The following CCDC14 variants were observed in gnomAD, a reference collection of about 807,000 sequenced individuals.
CCDC14 encodes the protein coiled-coil domain-containing protein 14.
A neutral mutation model predicts 81.4 loss-of-function variants in CCDC14; 71 were observed. The ratio of observed to expected loss-of-function variants is 0.87; its 90% confidence interval spans 0.72 to 1.06. The LOEUF (loss-of-function observed/expected upper bound fraction) is 1.06, where lower values mean the gene tolerates loss of function less well. Ranked by LOEUF, CCDC14 falls within the 50% of genes least tolerant of loss-of-function variation. CCDC14 has a pLI of 0.00. For missense variants in CCDC14, 1,046 were observed against 1,047.3 expected, an observed-to-expected ratio of 1.00 and a Z score of 0.02; for synonymous variants, 332 against 364.8, an observed-to-expected ratio of 0.91 and a Z score of 1.03.
chr3:123,896,671 T>A (rs905042889), downstream of CCDC14, among the ~76,000 whole-genome samples: 4 of 152,062 alleles, frequency 2.6e-5, no homozygotes, highest in East Asian at 1.9e-4. Flanking sequence ...AAATCTTTTT[T>A]AAAAAAGATC....
At chr3:123,956,532 T>G in intron 2 of CCDC14, 105 bp from the exon 3 acceptor site, 1 of 846,874 alleles carries the variant, frequency 1.2e-6, no homozygotes, top group South Asian at 1.8e-5. Context: ...TCCAACCATG[T>G]ACAAGATGAA....
At chr3:123,890,801 T>C in the CCDC14 span, among the ~76,000 whole-genome samples, 1 of 152,164 alleles carries the variant, frequency 6.6e-6, no homozygotes, top group Non-Finnish European at 1.5e-5. Context: ...AGTGGCCCTC[T>C]TCTCACAGCT....
rs753745998 is a variant in CCDC14 at position 123,949,000 on chromosome 3, A to G, written c.485T>C (p.Leu162Pro). The change falls in exon 6 of 13, where the codon CTC becomes CCC. Residue 162 changes from leucine to proline, a missense_variant. Coordinates refer to ENST00000409697, the MANE Select transcript of CCDC14 (RefSeq NM_001366335.1). ...CATCTGAGTCTGCACGTGCTCACAG[A>G]GGGCTTGGTATATTATGGGTGAATA... ...RMYSPIIYQA[L>P]CEHVQTQMSL... 2 of 1,613,836 alleles carry G rather than the reference A, an allele frequency of 1.2e-6. No individual in the cohort carries two copies. The highest frequency in any genetic ancestry group is 8.5e-7 in the Non-Finnish European group (1 of 1,179,876).
rs2036688509 is a variant in CCDC14, at chr3:123,947,199, T to G, written c.805A>C (p.Lys269Gln). The change falls in exon 8 of 13, where the codon AAA becomes CAA. Residue 269 changes from lysine to glutamine, a missense_variant. Transcript: ENST00000409697. ...TSPGVPCSLP[K>Q]TDISAIPTLQ... ...GTTGGAATAGCTGATATGTCAGTTT[T>G]GGGCAGGCTACATGGAACTCCAGGA... The G allele has an allele frequency of 1.2e-6, 2 of 1,613,884 alleles. No homozygotes were observed. The highest frequency in any genetic ancestry group is 1.3e-5 in the African/African-American group (1 of 74,926).
chr3:123,929,973 C>A (rs1230273029), intron 12 of CCDC14, among the ~76,000 whole-genome samples: 1 of 152,290 alleles, frequency 6.6e-6, no homozygotes, highest in East Asian at 1.9e-4. Context: ...CTTACAAAGA[C>A]TTCCATAAGA....
downstream of CCDC14, among the ~76,000 whole-genome samples, chr3:123,895,679 C>A (rs912540635): frequency 1.3e-5 from 2 of 152,182 alleles, no homozygotes; most frequent in African/African-American, 4.8e-5. Context: ...CTACTGACAG[C>A]CTAGGTAAAA....
the CCDC14 span, among the ~76,000 whole-genome samples, chr3:123,888,504 A>G: frequency 6.6e-6 from 1 of 152,094 alleles, no homozygotes; most frequent in South Asian, 2.1e-4. Context: ...TTCAACTTGC[A>G]TTAGTCAGTT....
At chr3:123,898,844 T>G (rs2034123109) in intron 5 of CCDC14, among the ~76,000 whole-genome samples, 1 of 151,370 alleles carries the variant, frequency 6.6e-6, no homozygotes. Context: ...CCTGCCACAA[T>G]GCCCTGCTAA....
chr3:123,930,067 T>C (rs2035608122), intron 12 of CCDC14, among the ~76,000 whole-genome samples: 1 of 152,246 alleles, frequency 6.6e-6, no homozygotes, highest in East Asian at 1.9e-4. Context: ...TCAATTATAA[T>C]TATATGATTA....
chr3:123,951,185 A>G (rs1204655984), intron 5 of CCDC14, among the ~76,000 whole-genome samples: 3 of 152,186 alleles, frequency 2.0e-5, no homozygotes, highest in Non-Finnish European at 4.4e-5. Flanking sequence ...TTATAAGATT[A>G]TTGAGAGATG....
chr3:123,892,624 A>G (rs574993829), downstream of CCDC14, among the ~76,000 whole-genome samples: 2 of 152,050 alleles, frequency 1.3e-5, no homozygotes, highest in Non-Finnish European at 2.9e-5. Flanking sequence ...AAACTTTCAC[A>G]AGAACAGCAC....
the CCDC14 span, among the ~76,000 whole-genome samples, chr3:123,887,080 T>C: frequency 6.6e-6 from 1 of 152,146 alleles, no homozygotes; most frequent in Non-Finnish European, 1.5e-5. Flanking sequence ...CCATCATCAG[T>C]TTTGATTCTT....
chr3:123,925,561 G>A (rs926871788), intron 12 of CCDC14, among the ~76,000 whole-genome samples: 1 of 151,962 alleles, frequency 6.6e-6, no homozygotes, highest in Admixed American at 6.6e-5. Context: ...TCAGCCTTCC[G>A]AGTAGCTGGG....
At position 123,944,972 on chromosome 3, in the gene CCDC14, C is replaced by T. The variant is rs762503101; in HGVS notation, c.1220G>A (p.Arg407Lys). 6.2e-6 allele frequency: 10 copies of T among 1,602,378 alleles called. No homozygotes were observed. Among genetic ancestry groups the T allele is most frequent in the African/African-American group, 2.7e-5 (2 of 74,724 alleles). ...VAEQEDSEIQRLITEMEACIS... is the reference protein window; with the variant it reads ...VAEQEDSEIQKLITEMEACIS... ...ACATGCCTCCATTTCTGTAATCAAC[C>T]TCTGAATTTCTGAATCCTCTATAGA... The change falls in exon 9 of 13, where the codon AGG (arginine) becomes AAG (lysine). Residue 407 changes from arginine (R) to lysine (K), a missense_variant. Coordinates refer to ENST00000409697, the MANE Select transcript of CCDC14 (RefSeq NM_001366335.1).
At position 123,913,537 on chromosome 3, in the gene CCDC14, G is replaced by A. The variant is rs998335112; in HGVS notation, c.*1242C>T. On this transcript the variant is annotated 3_prime_UTR_variant, in exon 13 of 13. Transcript: ENST00000409697. ...TTCATGAATACTAAATAAAATTAAA[G>A]ATGCTAATGGACTCTTGTGTGAAAT... is the stretch of plus-strand genomic sequence containing the variant. The A allele has an allele frequency of 1.0e-6, 1 of 980,474 alleles. No homozygotes were observed. Among genetic ancestry groups the A allele is most frequent in the African/African-American group, 1.8e-5 (1 of 57,084 alleles). 60.7% of individuals were successfully genotyped at this position (980,474 alleles called of 1,614,324 possible). A position where few individuals can be genotyped will look rare whatever the true frequency, so the allele number is the denominator to read the frequency against.
At chr3:123,933,129 C>CAAACAAAA (rs60220911) in intron 10 of CCDC14, among the ~76,000 whole-genome samples, 86,062 of 150,604 alleles carry the variant, frequency 0.57, 25,044 homozygotes, top group Middle Eastern at 0.69. Flanking sequence ...AACAAACAAA[C>CAAACAAAA]AAAGCTGACA....
chr3:123,892,004 AAG>A, the CCDC14 span, among the ~76,000 whole-genome samples: 20,774 of 152,094 alleles, frequency 0.14, 2,451 homozygotes, highest in East Asian at 0.35. Context: ...GCCGCAGGCA[AAG>A]AGAGAGCTTG....
chr3:123,925,620 G>C (rs1363211126), intron 12 of CCDC14, among the ~76,000 whole-genome samples: 2 of 152,074 alleles, frequency 1.3e-5, no homozygotes, highest in Admixed American at 6.6e-5. Context: ...ATTTTTAGTA[G>C]AGACAGGGTT....
intron 9 of CCDC14, among the ~76,000 whole-genome samples, chr3:123,941,037 T>C (rs190151278): frequency 1.9e-4 from 29 of 152,238 alleles, no homozygotes; most frequent in Admixed American, 1.4e-3. Flanking sequence ...TTCATTTTTA[T>C]GTTCTGTGTG....
Sources: gnomAD v4.1 joint callset for allele counts (sites outside exome capture counted in the v4.1 genomes callset) on GRCh38, gnomAD v4.1.1 for gene constraint, MANE v1.5 for transcripts, NCBI Gene and HGNC (gene_info 2026-07-23, HGNC 2026-07-21) for gene names.